The following VIT variants were observed in gnomAD, a reference collection of about 807,000 sequenced individuals.
VIT encodes the protein vitrin.
In VIT, 99 loss-of-function variants were observed where a neutral mutation model predicts 78.0. The ratio of observed to expected loss-of-function variants is 1.27; its 90% CI spans 1.08 to 1.50. VIT has a LOEUF of 1.50. Ranked by LOEUF, VIT falls within the 40% of genes most tolerant of loss-of-function variation. The probability of loss-of-function intolerance (pLI) is 0.00; values close to 1 mark genes in which losing one functional copy is unlikely to be tolerated. For synonymous variants in VIT, 374 were observed against 334.3 expected, an observed-to-expected ratio of 1.12 and a Z score of -1.29; for missense variants, 1,126 against 875.3, an observed-to-expected ratio of 1.29 and a Z score of -3.61.
intron 12 of VIT, 97 bp from the exon 13 acceptor site, chr2:36,801,204 C>A: frequency 1.8e-6 from 2 of 1,120,574 alleles, no homozygotes; most frequent in Non-Finnish European, 2.7e-6. Flanking sequence ...TTTGAAGCAG[C>A]TTCTATTTGT....
At chr2:36,793,859 G>C (rs1046123242) in intron 12 of VIT, among the ~76,000 whole-genome samples, 6 of 152,162 alleles carry the variant, frequency 3.9e-5, no homozygotes, top group Non-Finnish European at 7.3e-5. Context: ...AAACAGAATA[G>C]GTACTTTAGG....
chr2:36,719,272 C>A (rs1399717562), intron 2 of VIT, among the ~76,000 whole-genome samples: 1 of 152,154 alleles, frequency 6.6e-6, no homozygotes, highest in Non-Finnish European at 1.5e-5. Flanking sequence ...CCTCTAAGAT[C>A]AGAAATGAGA....
intron 12 of VIT, 52 bp from the exon 13 acceptor site, chr2:36,801,249 C>A: frequency 6.8e-7 from 1 of 1,480,754 alleles, no homozygotes; most frequent in Non-Finnish European, 9.4e-7. Flanking sequence ...CTGCCTTCCT[C>A]CAAAGGTATT....
chr2:36,723,362 A>G (rs2148467674), intron 2 of VIT, among the ~76,000 whole-genome samples: 1 of 152,336 alleles, frequency 6.6e-6, no homozygotes, highest in East Asian at 1.9e-4. Context: ...GTCAAAGAAT[A>G]TAAAAGTTTT....
intron 10 of VIT, among the ~76,000 whole-genome samples, chr2:36,782,380 G>A (rs1286904376): frequency 6.6e-6 from 1 of 152,208 alleles, no homozygotes; most frequent in Admixed American, 6.5e-5. Flanking sequence ...TTAAAATGAT[G>A]TGAGGAAGTG....
rs1362071188 is a variant in VIT, at chr2:36,775,027, A to T, written c.762A>T (p.Gly254=). The change falls in exon 9 of 16, where the codon GGA becomes GGT. Residue 254 remains glycine (G), a synonymous_variant. Coordinates refer to ENST00000379242, the MANE Select transcript of VIT (RefSeq NM_053276.4). ...DPGIQRQDPS[G]AAFQKPVGAD... Reference sequence around the variant, plus strand: ...GTATCCAAAGGCAAGATCCTTCAGGAGCTGCCTTCCAGAAACCTGTTGGAG... The same window carrying T: ...GTATCCAAAGGCAAGATCCTTCAGGTGCTGCCTTCCAGAAACCTGTTGGAG... 1 of 1,614,004 alleles carries T rather than the reference A, an allele frequency of 6.2e-7. No homozygotes were observed. The highest frequency in any genetic ancestry group is 8.5e-7 in the Non-Finnish European group (1 of 1,180,040).
rs777596619 is a variant in VIT at position 36,716,333 on chromosome 2, T to C, written c.-18-20T>C. On this transcript the variant is annotated intron_variant, in intron 1 of 15. Coordinates refer to ENST00000379242, the MANE Select transcript of VIT (RefSeq NM_053276.4). ...ACCCCCGGCTGAAATATGATGACGT[T>C]ATTGTTTCTTTCTCTCCAGGGTGTC... 1.9e-6 allele frequency: 3 copies of C among 1,604,752 alleles called. No individual in the cohort carries two copies.
rs754513435 is a variant in VIT, at chr2:36,781,765, G to C, written c.841G>C (p.Asp281His). The change falls in exon 10 of 16, where the codon GAT becomes CAT. Residue 281 changes from aspartate to histidine, a missense_variant. Transcript: ENST00000379242. ...ATGGAAACCTGGATCGGTCCTTTTA[G>C]ATGAAGGTAATTATACAGCCCAACC... ...DSWKPGSVLL[D>H]EGLVPKEELS... 1.9e-6 allele frequency: 3 copies of C among 1,614,150 alleles called. No individual in the cohort carries two copies. In the Admixed American group the frequency reaches 5.0e-5, roughly 27 times the overall value.
At chr2:36,795,355 A>G (rs1371242942) in intron 12 of VIT, among the ~76,000 whole-genome samples, 2 of 83,474 alleles carry the variant, frequency 2.4e-5, no homozygotes, top group African/African-American at 7.7e-5. Context: ...ATTTTATTTT[A>G]TTTTATTTTA....
chr2:36,788,599 G>C (rs1665266984), intron 12 of VIT, among the ~76,000 whole-genome samples: 1 of 152,142 alleles, frequency 6.6e-6, no homozygotes, highest in African/African-American at 2.4e-5. Flanking sequence ...TAAGAAAAGT[G>C]CGGTTTTAGG....
At chr2:36,799,437 G>C (rs1298696232) in intron 12 of VIT, among the ~76,000 whole-genome samples, 1 of 152,196 alleles carries the variant, frequency 6.6e-6, no homozygotes, top group African/African-American at 2.4e-5. Context: ...TCTTGGCCAG[G>C]CATGGTGGCT....
chr2:36,808,564 C>T lies in VIT; in HGVS notation c.1482C>T (p.Cys494=), dbSNP rs1178273485. 9.3e-6 allele frequency: 15 copies of T among 1,613,954 alleles called. No individual in the cohort carries two copies. The highest frequency in any genetic ancestry group is 3.3e-5 in the Admixed American group (2 of 59,988). Residue 494 remains cysteine (C), a synonymous_variant, in exon 15 of 16, where the codon TGC becomes TGT. Coordinates refer to ENST00000379242, the MANE Select transcript of VIT (RefSeq NM_053276.4). ...TGCAGCCTCTGGTGAAGCGGGTCTG[C>T]GACACTGACCGCCTGGCCTGCAGCA... ...KTLQPLVKRV[C]DTDRLACSKT...
intron 6 of VIT, among the ~76,000 whole-genome samples, chr2:36,759,883 G>A (rs768135281): frequency 1.3e-5 from 2 of 152,076 alleles, no homozygotes; most frequent in Non-Finnish European, 2.9e-5. Flanking sequence ...GACCACCATC[G>A]GCCTATACTA....
At chr2:36,740,232 A>G (rs1017079786) in intron 3 of VIT, among the ~76,000 whole-genome samples, 4 of 152,226 alleles carry the variant, frequency 2.6e-5, no homozygotes, top group Non-Finnish European at 4.4e-5. Context: ...TGAATAGTTC[A>G]AAGACCTTCA....
Position 36,783,351 on chromosome 2 carries a change from AAAG to A in VIT, c.865_867del (p.Glu289del), listed in dbSNP as rs374739571. 6.2e-7 allele frequency: 1 copy of A among 1,614,148 alleles called. No homozygotes were observed. Among genetic ancestry groups the A allele is most frequent in the East Asian group, 2.2e-5 (1 of 44,876 alleles). ...ACTGCTCTTTCCAGGACTTGTTCCA[AAAG>A]AAGAATTGAGCACACAGTCTTTGGA... On this transcript the variant is annotated inframe_deletion, in exon 11 of 16. Transcript: ENST00000379242.
chr2:36,716,539 T>C, intron 2 of VIT, 117 bp downstream of exon 2: 1 of 803,918 alleles, frequency 1.2e-6, no homozygotes, highest in South Asian at 1.8e-5. Flanking sequence ...CAGTGTATCA[T>C]TTTATAAGAA....
chr2:36,762,482 A>T (rs1669185011), intron 6 of VIT, among the ~76,000 whole-genome samples: 1 of 152,184 alleles, frequency 6.6e-6, no homozygotes, highest in African/African-American at 2.4e-5. Context: ...ATTCCAACAT[A>T]AAAGGGATTC....
intron 2 of VIT, among the ~76,000 whole-genome samples, chr2:36,719,814 G>A (rs748182089): frequency 1.3e-5 from 2 of 152,036 alleles, no homozygotes; most frequent in Non-Finnish European, 2.9e-5. Context: ...GGTGGCATGT[G>A]ACTGTAGTCC....
chr2:36,786,027 A>G (rs1035637203), intron 11 of VIT, among the ~76,000 whole-genome samples: 1 of 152,154 alleles, frequency 6.6e-6, no homozygotes, highest in African/African-American at 2.4e-5. Flanking sequence ...TGTGGCAACA[A>G]TGCACCGTGG....
Sources: gnomAD v4.1 joint callset for allele counts (sites outside exome capture counted in the v4.1 genomes callset) on GRCh38, gnomAD v4.1.1 for gene constraint, MANE v1.5 for transcripts, NCBI Gene and HGNC (gene_info 2026-07-23, HGNC 2026-07-21) for gene names.